Variants in SAMMSON observed in about 807,000 individuals in gnomAD.
The protein encoded by SAMMSON is long intergenic non-protein coding RNA 1212.
chr3:70,284,879 T>C (rs1702126782), intron 6 of SAMMSON, among the ~76,000 whole-genome samples: 1 of 152,116 alleles, frequency 6.6e-6, no homozygotes, highest in Admixed American at 6.5e-5. Flanking sequence ...AACCTGCACA[T>C]GTACCCCTGA....
chr3:70,279,399 A>T (rs1575613842), intron 6 of SAMMSON, among the ~76,000 whole-genome samples: 1 of 152,212 alleles, frequency 6.6e-6, no homozygotes, highest in African/African-American at 2.4e-5. Flanking sequence ...TCTGTATATC[A>T]CACTCGTCAG....
intron 9 of SAMMSON, among the ~76,000 whole-genome samples, chr3:70,376,523 A>G (rs1703017106): frequency 6.6e-6 from 1 of 152,170 alleles, no homozygotes; most frequent in Non-Finnish European, 1.5e-5. Flanking sequence ...AATCCATCAG[A>G]CACCTTGTCA....
intron 3 of SAMMSON, among the ~76,000 whole-genome samples, chr3:70,015,727 C>G (rs552528211): frequency 1.3e-5 from 2 of 151,548 alleles, no homozygotes; most frequent in Admixed American, 1.3e-4. Flanking sequence ...CCCCACCCCA[C>G]GACAGGCCCC....
chr3:70,013,942 A>G (rs976295511), intron 3 of SAMMSON: 2 of 152,194 alleles, frequency 1.3e-5, no homozygotes, highest in African/African-American at 4.8e-5. Flanking sequence ...TCAAGTCCAG[A>G]AACCAGAAGC....
chr3:70,083,943 A>C (rs1399868375), intron 4 of SAMMSON, among the ~76,000 whole-genome samples: 1 of 152,174 alleles, frequency 6.6e-6, no homozygotes, highest in African/African-American at 2.4e-5. Flanking sequence ...GAATGAATGA[A>C]TGAGTGGAGA....
chr3:70,263,240 A>G (rs1701885038), intron 6 of SAMMSON, among the ~76,000 whole-genome samples: 1 of 151,978 alleles, frequency 6.6e-6, no homozygotes, highest in Non-Finnish European at 1.5e-5. Flanking sequence ...AGTAATTTTT[A>G]CTGTATGCTG....
intron 4 of SAMMSON, chr3:70,183,914 G>A (rs893143809): frequency 6.6e-6 from 1 of 152,216 alleles, no homozygotes; most frequent in Non-Finnish European, 1.5e-5. Flanking sequence ...AAGATAAGAA[G>A]AGAGAGTGTG....
At chr3:70,090,633 T>A (rs988628234) in intron 4 of SAMMSON, among the ~76,000 whole-genome samples, 7 of 152,276 alleles carry the variant, frequency 4.6e-5, no homozygotes, top group East Asian at 1.9e-4. Flanking sequence ...AAGTTTTTTT[T>A]AAACATTTAT....
At chr3:70,313,860 A>G (rs1048605204) in intron 7 of SAMMSON, among the ~76,000 whole-genome samples, 4 of 152,190 alleles carry the variant, frequency 2.6e-5, no homozygotes, top group African/African-American at 9.6e-5. Flanking sequence ...TGGGTAAGGA[A>G]GACCTTGACT....
At chr3:70,130,640 C>A (rs2067479157) in intron 4 of SAMMSON, among the ~76,000 whole-genome samples, 1 of 152,058 alleles carries the variant, frequency 6.6e-6, no homozygotes, top group Non-Finnish European at 1.5e-5. Flanking sequence ...TTGGGATGCA[C>A]ACCTGTGGAA....
intron 4 of SAMMSON, among the ~76,000 whole-genome samples, chr3:70,181,426 G>A (rs1701052522): frequency 6.6e-6 from 1 of 152,162 alleles, no homozygotes; most frequent in Non-Finnish European, 1.5e-5. Context: ...GAGGGATGTG[G>A]CCTAATAATG....
intron 4 of SAMMSON, among the ~76,000 whole-genome samples, chr3:70,228,629 T>C (rs1701530629): frequency 6.6e-6 from 1 of 151,032 alleles, no homozygotes; most frequent in African/African-American, 2.4e-5. Context: ...TAAGTTTTCT[T>C]ACTTTTTTTT....
intron 4 of SAMMSON, among the ~76,000 whole-genome samples, chr3:70,146,524 A>G (rs780801599): frequency 1.6e-4 from 24 of 152,014 alleles, no homozygotes; most frequent in Non-Finnish European, 2.2e-4. Context: ...AAGTCAATCA[A>G]TGTAATCCAC....
At chr3:70,048,111 A>AT (rs201592111) in intron 3 of SAMMSON, among the ~76,000 whole-genome samples, 3,186 of 151,280 alleles carry the variant, frequency 0.021, 55 homozygotes, top group Non-Finnish European at 0.036. Context: ...TTATTCATTC[A>AT]TTTTTTTTTA....
chr3:70,257,860 CT>C (rs1303279002), intron 6 of SAMMSON, among the ~76,000 whole-genome samples: 1 of 152,116 alleles, frequency 6.6e-6, no homozygotes, highest in African/African-American at 2.4e-5. Flanking sequence ...AAGGCTTTTA[CT>C]ATTTGATTTC....
intron 7 of SAMMSON, among the ~76,000 whole-genome samples, chr3:70,339,142 G>A (rs1702690326): frequency 6.6e-6 from 1 of 152,120 alleles, no homozygotes; most frequent in Non-Finnish European, 1.5e-5. Context: ...ACAAAAACAA[G>A]CAATGGGGAA....
intron 4 of SAMMSON, among the ~76,000 whole-genome samples, chr3:70,101,848 G>A (rs1051482334): frequency 6.6e-6 from 1 of 152,140 alleles, no homozygotes; most frequent in African/African-American, 2.4e-5. Context: ...ATAATTTCCT[G>A]ACTTCACAGA....
chr3:70,012,418 T>G (rs1267525686), exon 2 of SAMMSON: 2 of 150,562 alleles, frequency 1.3e-5, no homozygotes, highest in Non-Finnish European at 3.0e-5. Flanking sequence ...AGGGTCAGAG[T>G]CAAAGGAAGA....
intron 4 of SAMMSON, among the ~76,000 whole-genome samples, chr3:70,163,291 T>C (rs2067623486): frequency 6.6e-6 from 1 of 150,404 alleles, no homozygotes; most frequent in African/African-American, 2.4e-5. Flanking sequence ...TTTCTTTATT[T>C]TCTGACATAT....
Sources: allele counts gnomAD v4.1 joint callset (sites outside exome capture counted in the v4.1 genomes callset), GRCh38; gene constraint gnomAD v4.1.1; transcripts MANE v1.5; gene names NCBI Gene and HGNC (gene_info 2026-07-23, HGNC 2026-07-21).